ANGEL2: variants seen among roughly 807,000 people sequenced by gnomAD.
ANGEL2 encodes angel homolog 2.
In ANGEL2, 41 loss-of-function variants were observed where a neutral mutation model predicts 66.0. That is an observed-to-expected ratio of 0.62 (90% CI 0.48 to 0.81). The LOEUF (loss-of-function observed/expected upper bound fraction) is 0.81. Among genes scored for constraint, ANGEL2 ranks in the 30% least tolerant of loss-of-function variants. The pLI is 0.00. For missense variants in ANGEL2, 561 were observed against 641.6 expected (o/e 0.87, Z 1.36); for synonymous variants, 208 against 226.5 (o/e 0.92, Z 0.73).
Position 213,001,057 on chromosome 1 carries a change from T to C in ANGEL2, c.1135-145A>G, listed in dbSNP as rs905295393. The C allele has an allele frequency of 1.4e-5, 10 of 712,110 alleles. No homozygotes were observed. The South Asian group carries it at 2.0e-4, about 14-fold the overall frequency. The allele number at this position is 712,110 out of a possible 1,614,324, so 44.1% of individuals were successfully genotyped here. A position where few individuals can be genotyped will look rare whatever the true frequency, so the allele number is the denominator to read the frequency against. ...TGTATTAAGTGATTCTTTGGACTTA[T>C]AAAATCTTCTTTTCTTTAAATACAA... On this transcript the variant is annotated intron_variant, in intron 5 of 8. Transcript: ENST00000366962.
At chr1:212,996,623 C>A (rs56192040) in intron 8 of ANGEL2, among the ~76,000 whole-genome samples, 11,193 of 21,944 alleles carry the variant, frequency 0.51, 3,150 homozygotes, top group African/African-American at 0.65. Flanking sequence ...ACTCTGTATC[C>A]AAAAAAAAAA....
intron 2 of ANGEL2, among the ~76,000 whole-genome samples, chr1:213,010,824 G>A (rs1193683192): frequency 6.6e-6 from 1 of 152,116 alleles, no homozygotes; most frequent in Non-Finnish European, 1.5e-5. Flanking sequence ...TACATGTAAT[G>A]GCATATAAAT....
chr1:213,000,721 G>A, intron 6 of ANGEL2, 65 bp downstream of exon 6: 1 of 1,513,012 alleles, frequency 6.6e-7, no homozygotes, highest in Non-Finnish European at 8.8e-7. Context: ...TAAAAACTTA[G>A]TTTTATGTCT....
At position 213,015,731 on chromosome 1, in the gene ANGEL2, C is replaced by A. The variant is rs1002280717; in HGVS notation, c.-60G>T. 1.1e-5 allele frequency: 17 copies of A among 1,610,702 alleles called. No individual in the cohort carries two copies. Among genetic ancestry groups the A allele is most frequent in the Admixed American group, 3.3e-5 (2 of 59,978 alleles). On this transcript the variant is annotated 5_prime_UTR_variant, in exon 1 of 9. Transcript: ENST00000366962. ...CGGGTTCCACCTCAATCTCTATAATCGATGCGACGGCCTAAAGTATCTAGG... is the reference window on the plus strand; with the variant it reads ...CGGGTTCCACCTCAATCTCTATAATAGATGCGACGGCCTAAAGTATCTAGG...
chr1:212,997,073 T>TTA, intron 8 of ANGEL2, 82 bp downstream of exon 8: 1 of 1,282,286 alleles, frequency 7.8e-7, no homozygotes, highest in Non-Finnish European at 1.1e-6. Context: ...AACTGGATGT[T>TTA]TAGAGAGCTT....
chr1:213,013,652 C>G (rs2076565805), intron 1 of ANGEL2, among the ~76,000 whole-genome samples: 1 of 152,130 alleles, frequency 6.6e-6, no homozygotes, highest in South Asian at 2.1e-4. Flanking sequence ...AGAATGCCTC[C>G]CAGGCTCCCA....
At position 213,013,189 on chromosome 1, in the gene ANGEL2, G is replaced by A. The variant is rs11542154; in HGVS notation, c.289C>T (p.Pro97Ser). The A allele has an allele frequency of 0.02, 32,293 of 1,614,112 alleles. 416 individuals are homozygous for A. The highest frequency in any genetic ancestry group is 0.023 in the Non-Finnish European group (27,461 of 1,180,002). The change falls in exon 2 of 9, where the codon CCT (proline) becomes TCT (serine). Residue 97 changes from proline (P) to serine (S), a missense_variant. By Grantham distance (74) the Pro-to-Ser change is moderately conservative. Transcript: ENST00000366962. ...AAAGATGTCTGGCTCAGGTTGTCAG[G>A]TCTCCAGTTACAGTACTGGAACTGA... ...RTQFQYCNWR[P>S]DNLSQTSLIH...
intron 4 of ANGEL2, 32 bp from the exon 5 acceptor site, chr1:213,005,486 ACTG>A: frequency 6.5e-7 from 1 of 1,528,876 alleles, no homozygotes; most frequent in Non-Finnish European, 8.8e-7. Context: ...AAAACAAATG[ACTG>A]CTTTTATATA....
Position 212,997,223 on chromosome 1 carries a change from G to GA in ANGEL2, c.1414dup (p.Ser472PhefsTer26), listed in dbSNP as rs2076050042. ...ATAATCCACAGTTATGGCACTTCGG[G>GA]AATGACAGGTGGTCACTTCTGGAAT... On this transcript the variant is annotated frameshift_variant, in exon 8 of 9. Coordinates refer to ENST00000366962, the MANE Select transcript of ANGEL2 (RefSeq NM_144567.5). LOFTEE classifies it high-confidence loss of function. 6.2e-7 allele frequency: 1 copy of GA among 1,613,958 alleles called. No individual in the cohort carries two copies. The highest frequency in any genetic ancestry group is 8.5e-7 in the Non-Finnish European group (1 of 1,179,894).
At chr1:213,006,785 A>G (rs1447035423) in intron 4 of ANGEL2, 1 of 225,978 alleles carries the variant, frequency 4.4e-6, no homozygotes, top group Non-Finnish European at 8.6e-6. Context: ...GAGTACCTCA[A>G]TCTTTTCCTC....
intron 1 of ANGEL2, 63 bp downstream of exon 1, chr1:213,015,549 GC>G: frequency 1.1e-6 from 1 of 944,050 alleles, no homozygotes; most frequent in Non-Finnish European, 1.4e-6. Context: ...AGTCCCGGAC[GC>G]CCGCCCGCTC....
chr1:213,015,179 G>T, intron 1 of ANGEL2: 1 of 1,019,624 alleles, frequency 9.8e-7, no homozygotes, highest in Non-Finnish European at 1.2e-6. Context: ...CCTCCTGGGC[G>T]TGTGCCACAC....
intron 2 of ANGEL2, among the ~76,000 whole-genome samples, chr1:213,010,356 G>A (rs1410845625): frequency 2.0e-5 from 3 of 152,202 alleles, no homozygotes; most frequent in African/African-American, 7.2e-5. Context: ...TGGATCACAA[G>A]GTCAGGAGAC....
intron 7 of ANGEL2, 40 bp from the exon 8 acceptor site, chr1:212,997,358 G>A: frequency 6.5e-7 from 1 of 1,544,952 alleles, no homozygotes; most frequent in Non-Finnish European, 8.9e-7. Context: ...CCGAGTTTTT[G>A]TAACTTCAAG....
intron 8 of ANGEL2, among the ~76,000 whole-genome samples, chr1:212,996,248 A>G (rs539706825): frequency 4.6e-4 from 70 of 152,284 alleles, no homozygotes; most frequent in African/African-American, 9.1e-4. Context: ...CGGAGCTTGC[A>G]GTGAGCTGAG....
chr1:213,009,142 T>C (rs992539891), intron 2 of ANGEL2, among the ~76,000 whole-genome samples: 1 of 152,252 alleles, frequency 6.6e-6, no homozygotes, highest in African/African-American at 2.4e-5. Context: ...AAACCTAGCA[T>C]GCAACAACCA....
At chr1:213,014,140 A>AT (rs1258485370) in intron 1 of ANGEL2, among the ~76,000 whole-genome samples, 1 of 152,216 alleles carries the variant, frequency 6.6e-6, no homozygotes, top group Non-Finnish European at 1.5e-5. Context: ...TGGCGCTAAC[A>AT]TTTTTAATAG....
In ANGEL2 at chr1:213,005,418, T is replaced by G; in HGVS notation, c.749A>C (p.Lys250Thr). 6.2e-7 allele frequency: 1 copy of G among 1,611,650 alleles called. No homozygotes were observed. The highest frequency in any genetic ancestry group is 8.5e-7 in the Non-Finnish European group (1 of 1,178,630). Residue 250 changes from lysine (K) to threonine (T), a missense_variant, in exon 5 of 9, where the codon AAA (lysine) becomes ACA (threonine). Lys to Thr is a moderately conservative substitution (Grantham distance 78). Transcript: ENST00000366962. ...GAAGCAAATAGCACAGCCATCAGGTTTCCTTCCTGTCCGCATCTTATATTC... is the reference window on the plus strand; with the variant it reads ...GAAGCAAATAGCACAGCCATCAGGTGTCCTTCCTGTCCGCATCTTATATTC... ...HCEYKMRTGR[K>T]PDGCAICFKH... is the part of the protein sequence containing the mutation.
intron 7 of ANGEL2, among the ~76,000 whole-genome samples, chr1:212,998,500 A>C (rs2076086705): frequency 6.6e-6 from 1 of 151,922 alleles, no homozygotes; most frequent in Admixed American, 6.6e-5. Context: ...CTGTATTTAC[A>C]TAAAGATACA....
Sources: gnomAD v4.1 joint callset for allele counts (sites outside exome capture counted in the v4.1 genomes callset) on GRCh38, gnomAD v4.1.1 for gene constraint, MANE v1.5 for transcripts, NCBI Gene and HGNC (gene_info 2026-07-23, HGNC 2026-07-21) for gene names.